Variants in TRPC4 observed in about 807,000 individuals in gnomAD.
TRPC4 encodes the protein transient receptor potential cation channel subfamily C member 4.
A neutral mutation model predicts 99.4 loss-of-function variants in TRPC4; 49 were observed. That is an observed-to-expected ratio of 0.49 (90% CI 0.39 to 0.63). TRPC4 has a LOEUF of 0.63. Ranked by LOEUF, TRPC4 falls within the 20% of genes least tolerant of loss-of-function variation. The probability of loss-of-function intolerance (pLI) is 0.00; values close to 1 mark genes in which losing one functional copy is unlikely to be tolerated. For missense variants in TRPC4, 898 were observed against 1,152.9 expected (o/e 0.78, Z 3.20); for synonymous variants, 454 against 425.9 (o/e 1.07, Z -0.81).
At chr13:37,805,779 A>C (rs1957514193) in intron 1 of TRPC4, among the ~76,000 whole-genome samples, 1 of 152,066 alleles carries the variant, frequency 6.6e-6, no homozygotes, top group South Asian at 2.1e-4. Flanking sequence ...GCAAGTCAGT[A>C]ATATTAACTG....
intron 3 of TRPC4, among the ~76,000 whole-genome samples, chr13:37,726,913 C>T (rs1474949150): frequency 6.6e-6 from 1 of 152,066 alleles, no homozygotes; most frequent in Non-Finnish European, 1.5e-5. Context: ...AACATTGACA[C>T]ACCTGATGAT....
At chr13:37,788,826 G>A (rs1957035866) in intron 1 of TRPC4, among the ~76,000 whole-genome samples, 1 of 152,044 alleles carries the variant, frequency 6.6e-6, no homozygotes, top group Non-Finnish European at 1.5e-5. Context: ...CTGGACTTCT[G>A]CTATCCAAGA....
chr13:37,639,001 G>A lies in TRPC4; in HGVS notation c.2211+39C>T, dbSNP rs1951624573. 5 of 1,588,956 alleles carry A rather than the reference G, an allele frequency of 3.1e-6. No homozygotes were observed. In the Admixed American group the frequency reaches 5.0e-5, roughly 16 times the overall value. On this transcript the variant is annotated intron_variant, in intron 10 of 10. Transcript: ENST00000379705. Reference sequence around the variant, plus strand: ...TGTGCTCTATCTGGATCCATATTCTGCACAATCTGCCTCTTGTGATGAAGA... The same window carrying A: ...TGTGCTCTATCTGGATCCATATTCTACACAATCTGCCTCTTGTGATGAAGA...
At chr13:37,811,283 C>T (rs1402754927) in intron 1 of TRPC4, among the ~76,000 whole-genome samples, 2 of 152,006 alleles carry the variant, frequency 1.3e-5, no homozygotes, top group Non-Finnish European at 2.9e-5. Flanking sequence ...CAAGAGAATA[C>T]ACTCCCACTT....
At chr13:37,747,676 CA>C (rs1955824449) in intron 2 of TRPC4, among the ~76,000 whole-genome samples, 2 of 152,120 alleles carry the variant, frequency 1.3e-5, no homozygotes, top group African/African-American at 4.8e-5. Context: ...TGGACAATTA[CA>C]CACATTTTAA....
At chr13:37,647,127 G>A (rs534844502) in intron 8 of TRPC4, among the ~76,000 whole-genome samples, 3 of 152,112 alleles carry the variant, frequency 2.0e-5, no homozygotes, top group Admixed American at 2.0e-4. Context: ...TCAATAATGG[G>A]CTCCTAGAGA....
At chr13:37,832,730 A>G (rs1958457297) in intron 1 of TRPC4, among the ~76,000 whole-genome samples, 2 of 152,348 alleles carry the variant, frequency 1.3e-5, no homozygotes, top group South Asian at 4.1e-4. Context: ...AGAGATGTTT[A>G]TATTGAATAA....
At position 37,746,225 on chromosome 13, in the gene TRPC4, C is replaced by G. The variant is rs2139164682; in HGVS notation, c.609G>C (p.Leu203Phe). Reference sequence around the variant, plus strand: ...ACAGTGCAATGAGAGAGGGACTGGCCAAGGCCTTGTAGATGTTGAGTCTGG... The same window carrying G: ...ACAGTGCAATGAGAGAGGGACTGGCGAAGGCCTTGTAGATGTTGAGTCTGG... The part of the protein sequence containing the change: ...SRSRLNIYKA[L>F]ASPSLIALSS... The change falls in exon 3 of 11, where the codon TTG (leucine) becomes TTC (phenylalanine). Residue 203 changes from leucine (L) to phenylalanine (F), a missense_variant. Transcript: ENST00000379705. 3 of 1,613,740 alleles carry G rather than the reference C, an allele frequency of 1.9e-6. No individual in the cohort carries two copies. The highest frequency in any genetic ancestry group is 2.5e-6 in the Non-Finnish European group (3 of 1,179,862).
At chr13:37,680,243 C>T (rs1953191013) in intron 4 of TRPC4, among the ~76,000 whole-genome samples, 1 of 152,164 alleles carries the variant, frequency 6.6e-6, no homozygotes, top group African/African-American at 2.4e-5. Context: ...TTGCTTGACA[C>T]TGCCAATTCC....
intron 3 of TRPC4, among the ~76,000 whole-genome samples, chr13:37,741,900 A>G (rs1191112095): frequency 1.3e-5 from 2 of 149,508 alleles, no homozygotes; most frequent in African/African-American, 5.0e-5. Context: ...AACACTGCAC[A>G]TTATATAACC....
chr13:37,662,492 G>A (rs1179283920), intron 6 of TRPC4, among the ~76,000 whole-genome samples: 5 of 152,108 alleles, frequency 3.3e-5, no homozygotes, highest in Non-Finnish European at 5.9e-5. Flanking sequence ...ACCAACAAGA[G>A]CATTTTAGCT....
intron 3 of TRPC4, among the ~76,000 whole-genome samples, chr13:37,724,798 T>C (rs919264800): frequency 3.3e-5 from 5 of 152,186 alleles, no homozygotes; most frequent in African/African-American, 1.2e-4. Flanking sequence ...ATCTCTAGAA[T>C]ATAGGAAGCA....
At chr13:37,648,745 G>A (rs1951926082) in intron 8 of TRPC4, among the ~76,000 whole-genome samples, 1 of 152,160 alleles carries the variant, frequency 6.6e-6, no homozygotes, top group East Asian at 1.9e-4. Context: ...AATTGACTGA[G>A]AGCTCCTCTT....
intron 2 of TRPC4, among the ~76,000 whole-genome samples, chr13:37,763,874 C>T (rs369600649): frequency 2.6e-5 from 4 of 151,398 alleles, no homozygotes; most frequent in African/African-American, 9.7e-5. Context: ...ATGATAACAC[C>T]GAATCCAAGT....
At chr13:37,785,139 C>A (rs978736843) in intron 1 of TRPC4, among the ~76,000 whole-genome samples, 1 of 152,024 alleles carries the variant, frequency 6.6e-6, no homozygotes, top group African/African-American at 2.4e-5. Flanking sequence ...AATATTCCCC[C>A]AATATCACTA....
At chr13:37,730,542 C>T (rs565640429) in intron 3 of TRPC4, among the ~76,000 whole-genome samples, 1 of 151,876 alleles carries the variant, frequency 6.6e-6, no homozygotes, top group South Asian at 2.1e-4. Context: ...CTTTAATTTT[C>T]AAGAGTCTGA....
intron 2 of TRPC4, among the ~76,000 whole-genome samples, chr13:37,776,366 A>T (rs1956703212): frequency 6.6e-6 from 1 of 151,938 alleles, no homozygotes; most frequent in East Asian, 1.9e-4. Flanking sequence ...TTGATAACTC[A>T]TCTAGCTATG....
chr13:37,713,213 G>T (rs796442585), intron 3 of TRPC4, among the ~76,000 whole-genome samples: 8 of 152,058 alleles, frequency 5.3e-5, no homozygotes, highest in African/African-American at 1.9e-4. Context: ...AAGAGTTTTG[G>T]GATTAAGTCA....
chr13:37,697,316 C>T (rs1290803020), intron 3 of TRPC4, among the ~76,000 whole-genome samples: 4 of 151,994 alleles, frequency 2.6e-5, no homozygotes, highest in African/African-American at 9.7e-5. Flanking sequence ...CATTAGATAA[C>T]TTGTTAAAAA....
Sources: allele counts gnomAD v4.1 joint callset (sites outside exome capture counted in the v4.1 genomes callset), GRCh38; gene constraint gnomAD v4.1.1; transcripts MANE v1.5; gene names NCBI Gene and HGNC (gene_info 2026-07-23, HGNC 2026-07-21).